Variants in GSDMC observed in about 807,000 individuals in gnomAD.
The protein encoded by GSDMC is gasdermin C.
In GSDMC, 59 loss-of-function variants were observed where a neutral mutation model predicts 58.0. The observed-to-expected ratio is 1.02, with a 90% CI of 0.82 to 1.26. The LOEUF is 1.26. Ranked by LOEUF, GSDMC falls within the 50% of genes most tolerant of loss-of-function variation. GSDMC has a pLI of 0.00. For synonymous variants in GSDMC, 241 were observed against 220.2 expected (o/e 1.09, Z -0.83); for missense variants, 659 against 598.5 (o/e 1.10, Z -1.06).
At chr8:129,706,081 C>T in the GSDMC span, among the ~76,000 whole-genome samples, 1 of 151,890 alleles carries the variant, frequency 6.6e-6, no homozygotes, top group Non-Finnish European at 1.5e-5. Flanking sequence ...ATTCCCTTGC[C>T]CTTGGAATGA....
At chr8:129,760,397 T>C (rs1967018) in intron 6 of GSDMC, 148 bp downstream of exon 6, 289,338 of 489,260 alleles carry the variant, frequency 0.59, 89,325 homozygotes, top group African/African-American at 0.88. Context: ...AGGATAAATG[T>C]TTGAGAAGAT....
chr8:129,784,321 G>A (rs911599965), intron 1 of GSDMC, among the ~76,000 whole-genome samples: 1 of 152,050 alleles, frequency 6.6e-6, no homozygotes, highest in African/African-American at 2.4e-5. Context: ...CAGAATGGGA[G>A]AAAATATTTG....
the GSDMC span, among the ~76,000 whole-genome samples, chr8:129,737,040 A>G: frequency 3.3e-5 from 5 of 152,222 alleles, no homozygotes; most frequent in Non-Finnish European, 7.3e-5. Flanking sequence ...CCCATTCACA[A>G]TTGCTACAAA....
chr8:129,714,626 C>T, the GSDMC span, among the ~76,000 whole-genome samples: 2 of 151,892 alleles, frequency 1.3e-5, no homozygotes, highest in Non-Finnish European at 2.9e-5. Context: ...AATAAGAAGT[C>T]GATTTAAATT....
intron 1 of GSDMC, among the ~76,000 whole-genome samples, chr8:129,785,250 G>C (rs371514510): frequency 2.0e-5 from 3 of 152,028 alleles, no homozygotes; most frequent in East Asian, 3.9e-4. Context: ...ACAACATAGA[G>C]GGGACTAGAG....
At chr8:129,740,642 T>C in the GSDMC span, among the ~76,000 whole-genome samples, 1 of 152,336 alleles carries the variant, frequency 6.6e-6, no homozygotes, top group Non-Finnish European at 1.5e-5. Context: ...AAGTACACTT[T>C]ATGGTGTTCC....
Position 129,748,737 on chromosome 8 carries a change from T to A in GSDMC, c.1291A>T (p.Arg431Trp), listed in dbSNP as rs2033043297. 6.6e-7 allele frequency: 1 copy of A among 1,514,810 alleles called. No individual in the cohort carries two copies. The highest frequency in any genetic ancestry group is 8.8e-7 in the Non-Finnish European group (1 of 1,134,066). The allele number at this position is 1,514,810 out of a possible 1,614,324, so 93.8% of individuals were successfully genotyped here. The stretch of plus-strand genomic sequence containing the variant: ...CTGAAGTTTGGCTCCAGGATGCTCC[T>A]TACCTAGAAGAAAGATGATCAGGTT... ...RILLQQQELVRSILEPNFRYP... is the reference protein window; with the variant it reads ...RILLQQQELVWSILEPNFRYP... The change falls in exon 14 of 14, where the codon AGG becomes TGG. Residue 431 changes from arginine (R) to tryptophan (W), a missense_variant. Arg to Trp is a moderately radical substitution (Grantham distance 101, BLOSUM62 -3). Coordinates refer to ENST00000276708, the MANE Select transcript of GSDMC (RefSeq NM_031415.3).
At chr8:129,747,964 G>A (rs565018279), downstream of GSDMC, among the ~76,000 whole-genome samples, 5 of 149,458 alleles carry the variant, frequency 3.3e-5, no homozygotes, top group South Asian at 2.1e-4. Flanking sequence ...ACACACACAC[G>A]TGGGGGCTAA....
chr8:129,759,830 T>C (rs1036786224), intron 6 of GSDMC, among the ~76,000 whole-genome samples: 1 of 151,986 alleles, frequency 6.6e-6, no homozygotes, highest in African/African-American at 2.4e-5. Context: ...AAAACTAGAG[T>C]TACCATATGA....
intron 6 of GSDMC, among the ~76,000 whole-genome samples, chr8:129,756,614 T>C (rs1485643790): frequency 6.6e-6 from 1 of 152,136 alleles, no homozygotes; most frequent in Non-Finnish European, 1.5e-5. Context: ...TTTTTTCTCC[T>C]CAGCACATGG....
At chr8:129,756,976 C>T (rs2033465136) in intron 6 of GSDMC, among the ~76,000 whole-genome samples, 1 of 151,858 alleles carries the variant, frequency 6.6e-6, no homozygotes, top group African/African-American at 2.4e-5. Flanking sequence ...TAAAAAACTA[C>T]CTTATGATGC....
chr8:129,730,049 T>C, the GSDMC span: 1 of 1,192,338 alleles, frequency 8.4e-7, no homozygotes, highest in South Asian at 1.4e-5. Context: ...GGAGTATTCC[T>C]TGAAAATAAG....
chr8:129,765,934 G>A, intron 3 of GSDMC, 141 bp from the exon 4 acceptor site: 1 of 624,106 alleles, frequency 1.6e-6, no homozygotes, highest in Non-Finnish European at 2.8e-6. Context: ...ATGGGTGGTA[G>A]GGCAGCAGAA....
intron 11 of GSDMC, 64 bp downstream of exon 11, chr8:129,750,367 C>G: frequency 6.8e-7 from 1 of 1,481,064 alleles, no homozygotes; most frequent in South Asian, 1.3e-5. Flanking sequence ...ACTTGGGAGT[C>G]ATATCTCCTA....
At chr8:129,727,941 C>T in the GSDMC span, among the ~76,000 whole-genome samples, 1 of 152,194 alleles carries the variant, frequency 6.6e-6, no homozygotes, top group Non-Finnish European at 1.5e-5. Flanking sequence ...AACCCCCCTG[C>T]ATATGCCATT....
chr8:129,763,917 C>T (rs902804830), intron 4 of GSDMC, among the ~76,000 whole-genome samples: 6 of 152,012 alleles, frequency 3.9e-5, no homozygotes, highest in African/African-American at 1.4e-4. Flanking sequence ...TGTCTTTTTG[C>T]TTACTTTTTC....
At chr8:129,765,994 G>A (rs141385709) in intron 3 of GSDMC, among the ~76,000 whole-genome samples, 113 of 152,182 alleles carry the variant, frequency 7.4e-4, no homozygotes, top group Non-Finnish European at 1.3e-3. Context: ...TGGTGGTTCG[G>A]GTGTGAGAGT....
At chr8:129,784,642 G>T (rs2034506207) in intron 1 of GSDMC, among the ~76,000 whole-genome samples, 1 of 152,206 alleles carries the variant, frequency 6.6e-6, no homozygotes, top group East Asian at 1.9e-4. Context: ...TACCCTGTTT[G>T]TGGGAATGTA....
intron 6 of GSDMC, among the ~76,000 whole-genome samples, chr8:129,756,477 T>G (rs570781470): frequency 6.6e-6 from 1 of 152,192 alleles, no homozygotes; most frequent in African/African-American, 2.4e-5. Flanking sequence ...CACCCTACTT[T>G]CAGCACTGAA....
Sources: gnomAD v4.1 joint callset for allele counts (sites outside exome capture counted in the v4.1 genomes callset) on GRCh38, gnomAD v4.1.1 for gene constraint, MANE v1.5 for transcripts, NCBI Gene and HGNC (gene_info 2026-07-23, HGNC 2026-07-21) for gene names.